The following TTC13 variants were observed in gnomAD, a reference collection of about 807,000 sequenced individuals.
The protein encoded by TTC13 is tetratricopeptide repeat domain 13, also known as tetratricopeptide repeat protein 13.
Under a neutral mutation model 120.0 loss-of-function variants are expected in TTC13, and 62 were observed. The observed-to-expected ratio is 0.52, with a 90% CI of 0.42 to 0.64. The LOEUF (loss-of-function observed/expected upper bound fraction) is 0.64, where lower values mean the gene tolerates loss of function less well. TTC13 is among the 30% of genes least tolerant of loss of function. The pLI is 0.00. For missense variants in TTC13, 824 were observed against 1,050.2 expected (o/e 0.78, Z 2.98); for synonymous variants, 384 against 393.5 (o/e 0.98, Z 0.28).
intron 1 of TTC13, 116 bp from the exon 2 acceptor site, chr1:230,961,419 A>G (rs1676627547): frequency 2.8e-6 from 2 of 724,616 alleles, no homozygotes; most frequent in Admixed American, 2.6e-5. Context: ...GGTGTGAATA[A>G]CACTAAAAGT....
rs563542700 is a variant in TTC13 at position 230,920,714 on chromosome 1, A to G, written c.1899-120T>C. 1,514 of 547,176 alleles carry G rather than the reference A, an allele frequency of 2.8e-3. 7 individuals carry two copies. The highest frequency in any genetic ancestry group is 4.0e-3 in the Non-Finnish European group (1,317 of 327,150). The allele number at this position is 547,176 out of a possible 1,614,324, so 33.9% of individuals were successfully genotyped here. On this transcript the variant is annotated intron_variant, in intron 16 of 22. Transcript: ENST00000366661. ...AATTTTGAGTAGCTAAACATTCAAA[A>G]TGGTAGGCCACAAATAAACCTTCCA...
chr1:230,926,009 C>T (rs1026317227), intron 12 of TTC13, among the ~76,000 whole-genome samples: 1 of 152,156 alleles, frequency 6.6e-6, no homozygotes, highest in Admixed American at 6.5e-5. Context: ...CACTCCTCAA[C>T]CCTGCCCAAG....
intron 4 of TTC13, among the ~76,000 whole-genome samples, chr1:230,948,240 C>A (rs957638881): frequency 1.8e-4 from 27 of 151,908 alleles, no homozygotes; most frequent in Non-Finnish European, 4.4e-5. Context: ...TATATACACA[C>A]ATGTATCAGA....
intron 1 of TTC13, among the ~76,000 whole-genome samples, chr1:230,977,122 T>C (rs1002269198): frequency 9.2e-5 from 14 of 152,216 alleles, no homozygotes; most frequent in Admixed American, 2.0e-4. Context: ...AATTTCACTA[T>C]GTTTCAGTTT....
At chr1:230,924,101 GA>G (rs1672833252) in intron 14 of TTC13, among the ~76,000 whole-genome samples, 168 bp from the exon 15 acceptor site, 1 of 152,178 alleles carries the variant, frequency 6.6e-6, no homozygotes, top group South Asian at 2.1e-4. Flanking sequence ...TGGACCAGGC[GA>G]AAAGCCAGGT....
At chr1:230,952,202 G>A (rs192176594) in intron 4 of TTC13, among the ~76,000 whole-genome samples, 4 of 152,210 alleles carry the variant, frequency 2.6e-5, no homozygotes, top group African/African-American at 9.6e-5. Context: ...CAAAGAAAAT[G>A]TGACAGATTT....
At chr1:230,949,960 T>C (rs1192880805) in intron 4 of TTC13, among the ~76,000 whole-genome samples, 1 of 152,250 alleles carries the variant, frequency 6.6e-6, no homozygotes, top group African/African-American at 2.4e-5. Context: ...AATTTATTCT[T>C]TCTTTTTAGA....
At chr1:230,945,487 C>T (rs757977533) in intron 4 of TTC13, 33 bp from the exon 5 acceptor site, 1 of 1,603,526 alleles carries the variant, frequency 6.2e-7, no homozygotes. Flanking sequence ...ACGTCAAAAA[C>T]CATAAACAAA....
chr1:230,925,001 T>C (rs757499464), intron 13 of TTC13, 28 bp from the exon 14 acceptor site: 2 of 1,613,794 alleles, frequency 1.2e-6, no homozygotes, highest in South Asian at 1.1e-5. Context: ...CGAGAAGAGT[T>C]AGTACACTTT....
chr1:230,913,303 C>A (rs1048147337), intron 18 of TTC13, among the ~76,000 whole-genome samples: 1 of 152,046 alleles, frequency 6.6e-6, no homozygotes, highest in African/African-American at 2.4e-5. Flanking sequence ...GTCCTCGGAG[C>A]CTACAAAGAA....
chr1:230,961,249 G>A lies in TTC13; in HGVS notation c.326C>T (p.Pro109Leu), dbSNP rs1346224487. Residue 109 changes from proline (P) to leucine (L), a missense_variant, in exon 2 of 23, where the codon CCC becomes CTC. Physicochemically the swap from Pro to Leu is moderately conservative, Grantham distance 98. Around this residue, in one of 4 missense-constraint regions of TTC13, gnomAD observed 8 missense variants for 27.1 expected, o/e 0.30. Coordinates refer to ENST00000366661, the MANE Select transcript of TTC13 (RefSeq NM_024525.5). ...DSDCEPKGSS[P>L]CDSLLSLNTE... ...GTTGAGGGAAAGCAAGGAGTCACAG[G>A]GTGATGATCCCTTGGGTTCGCAGTC... 1 of 1,613,932 alleles carries A rather than the reference G, an allele frequency of 6.2e-7. No homozygotes were observed. Among genetic ancestry groups the A allele is most frequent in the African/African-American group, 1.3e-5 (1 of 74,922 alleles).
At chr1:230,960,797 C>T (rs867897865) in intron 2 of TTC13, among the ~76,000 whole-genome samples, 10 of 152,166 alleles carry the variant, frequency 6.6e-5, no homozygotes, top group Non-Finnish European at 1.5e-4. Flanking sequence ...TAGGCAGACG[C>T]AAACATTAGC....
intron 3 of TTC13, among the ~76,000 whole-genome samples, chr1:230,957,557 G>A (rs1257940606): frequency 1.3e-5 from 2 of 152,214 alleles, no homozygotes; most frequent in Non-Finnish European, 2.9e-5. Flanking sequence ...GTGCTTTGGT[G>A]ACTGGGCCCC....
rs1572237526 is a variant in TTC13 at position 230,942,446 on chromosome 1, C to T, written c.672+1360G>A. Reference sequence around the variant, plus strand: ...TTTATTCAAAAAGCCAAATCCCCAACAAAACAAAAATTCACTTTAAGAGAC... The same window carrying T: ...TTTATTCAAAAAGCCAAATCCCCAATAAAACAAAAATTCACTTTAAGAGAC... On this transcript the variant is annotated intron_variant, in intron 6 of 22. Transcript: ENST00000366661. The surrounding 1 kb of genome is among the most constrained non-coding windows in gnomAD (Gnocchi z 4.0). Among the ~76,000 whole-genome samples, 1 of 152,126 alleles carries T rather than the reference C, an allele frequency of 6.6e-6. No individual in the cohort carries two copies.
intron 22 of TTC13, among the ~76,000 whole-genome samples, chr1:230,907,479 G>A (rs569568199): frequency 2.0e-5 from 3 of 152,248 alleles, no homozygotes; most frequent in African/African-American, 7.2e-5. Context: ...ACTGCAGGAT[G>A]TAAGGTAGCA....
chr1:230,920,420 C>G (rs756592920), intron 17 of TTC13, 90 bp downstream of exon 17: 11 of 897,828 alleles, frequency 1.2e-5, no homozygotes, highest in Non-Finnish European at 2.0e-5. Context: ...TTTCAAATAG[C>G]ATTTAATAAT....
At chr1:230,974,955 G>C (rs1372634034) in intron 1 of TTC13, among the ~76,000 whole-genome samples, 1 of 152,212 alleles carries the variant, frequency 6.6e-6, no homozygotes, top group Non-Finnish European at 1.5e-5. Flanking sequence ...ATATTAGTAA[G>C]AAATTATACT....
intron 8 of TTC13, chr1:230,936,515 G>A (rs11122159): frequency 0.67 from 171,181 of 253,722 alleles, 58,259 homozygotes; most frequent in Admixed American, 0.73. Context: ...TGCTTGGGAC[G>A]CATGGTTTGT....
At chr1:230,951,030 T>C (rs1228215352) in intron 4 of TTC13, among the ~76,000 whole-genome samples, 2 of 152,202 alleles carry the variant, frequency 1.3e-5, no homozygotes, top group Non-Finnish European at 2.9e-5. Context: ...CCTGTCATTG[T>C]GCTCAGTTAG....
Sources: gnomAD v4.1 joint callset for allele counts (sites outside exome capture counted in the v4.1 genomes callset) on GRCh38, gnomAD v4.1.1 for gene constraint, gnomAD v4.1.1 regional missense constraint, Gnocchi (gnomAD v3.1) non-coding constraint, MANE v1.5 for transcripts, NCBI Gene and HGNC (gene_info 2026-07-23, HGNC 2026-07-21) for gene names.